PIK3C2A: variants seen among roughly 807,000 people sequenced by gnomAD.
PIK3C2A encodes the protein phosphatidylinositol-4-phosphate 3-kinase catalytic subunit type 2 alpha.
PIK3C2A carries 97 observed loss-of-function variants against 204.5 expected under a neutral mutation model. The ratio of observed to expected loss-of-function variants is 0.47; its 90% CI spans 0.40 to 0.56. PIK3C2A has a LOEUF of 0.56. Among genes scored for constraint, PIK3C2A ranks in the 20% least tolerant of loss-of-function variants. PIK3C2A has a pLI of 0.00. For synonymous variants in PIK3C2A, 653 were observed against 664.4 expected, an observed-to-expected ratio of 0.98 and a Z score of 0.26; for missense variants, 1,735 against 1,969.2, an observed-to-expected ratio of 0.88 and a Z score of 2.25.
At chr11:17,189,872 A>C in intron 1 of PIK3C2A, among the ~76,000 whole-genome samples, 1 of 152,024 alleles carries the variant, frequency 6.6e-6, no homozygotes. Context: ...ATGAGACATA[A>C]AAAGAAGCAA....
intron 22 of PIK3C2A, among the ~76,000 whole-genome samples, chr11:17,110,119 AT>A (rs561917239): frequency 6.6e-6 from 1 of 151,802 alleles, no homozygotes; most frequent in Non-Finnish European, 1.5e-5. Flanking sequence ...CACCTGGCTA[AT>A]TTTTGCATTT....
intron 1 of PIK3C2A, among the ~76,000 whole-genome samples, chr11:17,174,977 T>G (rs1355524751): frequency 6.6e-6 from 1 of 152,210 alleles, no homozygotes; most frequent in Non-Finnish European, 1.5e-5. Flanking sequence ...ATAATTCATC[T>G]TCCACAAGCA....
chr11:17,105,140 T>C (rs777946290), intron 23 of PIK3C2A, 29 bp downstream of exon 23: 13 of 1,585,794 alleles, frequency 8.2e-6, no homozygotes, highest in Non-Finnish European at 1.1e-5. Flanking sequence ...TTGACAAAGC[T>C]TTTTAGAATG....
rs1174741042 is a variant in PIK3C2A at position 17,174,315 on chromosome 11, C to T, written c.-65-4509G>A. On this transcript the variant is annotated intron_variant, in intron 1 of 32. Coordinates refer to ENST00000691414, the MANE Select transcript of PIK3C2A (RefSeq NM_002645.4). ...ATTAAAACAAAACAGCGGCCGGGCG[C>T]GGTGGCTCACGCCTGTAATCCCAGC... is the stretch of plus-strand genomic sequence containing the variant. 9.8e-5 allele frequency among the ~76,000 whole-genome samples: 6 copies of T among 60,974 alleles called. 1 individual carries two copies. In the South Asian group the frequency reaches 2.4e-3, roughly 24 times the overall value. 40.0% of individuals were successfully genotyped at this position (60,974 alleles called of 152,430 possible).
In PIK3C2A at chr11:17,127,311, T is replaced by G. The variant is rs1010922201; in HGVS notation, c.2399+1989A>C. Among the ~76,000 whole-genome samples, 18 of 149,012 alleles carry G rather than the reference T, an allele frequency of 1.2e-4. No individual in the cohort carries two copies. The East Asian group carries it at 1.6e-3, about 13-fold the overall frequency. ...AAAATATTTTTAAAATAAATATGTG[T>G]TTTTTTTTTCTTTTGGAGACAGAGT... On this transcript the variant is annotated intron_variant, in intron 13 of 32. Transcript: ENST00000691414.
intron 8 of PIK3C2A, 47 bp from the exon 9 acceptor site, chr11:17,136,672 G>A (rs1015744414): frequency 9.1e-7 from 1 of 1,099,902 alleles, no homozygotes; most frequent in East Asian, 2.6e-5. Flanking sequence ...GAAATTTAAA[G>A]GACCAATTCC....
chr11:17,118,877 T>C (rs909439405), intron 17 of PIK3C2A, 138 bp from the exon 18 acceptor site: 1 of 547,268 alleles, frequency 1.8e-6, no homozygotes, highest in Admixed American at 3.7e-5. Context: ...ATTAAATAGA[T>C]GAATTAACCT....
chr11:17,196,434 T>C (rs767140316), intron 1 of PIK3C2A, among the ~76,000 whole-genome samples: 23 of 152,170 alleles, frequency 1.5e-4, no homozygotes, highest in Non-Finnish European at 2.6e-4. Context: ...TGACTTGGAC[T>C]AGGATAACAG....
intron 19 of PIK3C2A, chr11:17,115,719 T>C (rs530681503): frequency 1.3e-5 from 2 of 152,236 alleles, no homozygotes; most frequent in South Asian, 4.2e-4. Flanking sequence ...GCTAATCTTC[T>C]CTGTATCATT....
chr11:17,122,653 T>C (rs201413129), intron 14 of PIK3C2A, 49 bp downstream of exon 14: 4 of 855,138 alleles, frequency 4.7e-6, no homozygotes, highest in Non-Finnish European at 7.8e-6. Context: ...ACACATTTTA[T>C]GAAGAAATTT....
chr11:17,129,409 G>C lies in PIK3C2A; in HGVS notation c.2290C>G (p.Leu764Val). ...CTGCTCTGATTTAAAATTCCAAAAAGAGTAAGGTGAAGAACTGATTCTAAT... is the reference window on the plus strand; with the variant it reads ...CTGCTCTGATTTAAAATTCCAAAAACAGTAAGGTGAAGAACTGATTCTAAT... ...LPLESVLHLTLFGILNQSSGS... is the reference protein window; with the variant it reads ...LPLESVLHLTVFGILNQSSGS... Residue 764 changes from leucine (L) to valine (V), a missense_variant, in exon 13 of 33, where the codon CTT becomes GTT. Transcript: ENST00000691414. 1 of 1,611,448 alleles carries C rather than the reference G, an allele frequency of 6.2e-7. No homozygotes were observed. The highest frequency in any genetic ancestry group is 1.3e-5 in the African/African-American group (1 of 74,990).
chr11:17,202,045 CAGG>C (rs745875886), intron 1 of PIK3C2A, among the ~76,000 whole-genome samples: 12 of 151,976 alleles, frequency 7.9e-5, no homozygotes, highest in Non-Finnish European at 1.6e-4. Context: ...CGCCTTAGGT[CAGG>C]AGTTCAAGAC....
intron 21 of PIK3C2A, among the ~76,000 whole-genome samples, chr11:17,112,361 G>A (rs977515141): frequency 6.6e-6 from 1 of 152,088 alleles, no homozygotes; most frequent in Non-Finnish European, 1.5e-5. Context: ...GCTGAGGCAG[G>A]AGAATCACTT....
intron 30 of PIK3C2A, 63 bp downstream of exon 30, chr11:17,091,933 C>G (rs1045544452): frequency 2.0e-6 from 2 of 1,001,712 alleles, no homozygotes; most frequent in Non-Finnish European, 3.2e-6. Context: ...CTACCACATT[C>G]ATCGAGAAGT....
Position 17,092,154 on chromosome 11 carries a change from G to A in PIK3C2A, c.4569+5C>T. On this transcript the variant is annotated splice_donor_5th_base_variant and intron_variant, in intron 29 of 32. Coordinates refer to ENST00000691414, the MANE Select transcript of PIK3C2A (RefSeq NM_002645.4). ...ATGTTATTACTTCTCATTTAGTAAG[G>A]TTACCTCTGCTACATCCGTTGAAGC... The A allele has an allele frequency of 6.5e-7, 1 of 1,537,796 alleles. No homozygotes were observed. The highest frequency in any genetic ancestry group is 1.1e-5 in the South Asian group (1 of 89,456).
At position 17,122,718 on chromosome 11, in the gene PIK3C2A, T is replaced by C. The variant is rs771852282; in HGVS notation, c.2495A>G (p.Glu832Gly). ...TACCATTACCTGTAGCACTATTCTT[T>C]CCATGACATATCCTTTTTTGGTAAC... The part of the protein sequence containing the change: ...GTVTKKGYVM[E>G]RIVLQVDFPS... The change falls in exon 14 of 33, where the codon GAA (glutamate) becomes GGA (glycine). Residue 832 changes from glutamate to glycine, a missense_variant. This residue lies in a region of PIK3C2A where 567 missense variants were observed against 576.0 expected (regional missense o/e 0.98). Transcript: ENST00000691414. The C allele has an allele frequency of 1.4e-6, 2 of 1,440,066 alleles. No homozygotes were observed. The highest frequency in any genetic ancestry group is 1.2e-5 in the South Asian group (1 of 85,498). The allele number at this position is 1,440,066 out of a possible 1,614,324, so 89.2% of individuals were successfully genotyped here. A position where few individuals can be genotyped will look rare whatever the true frequency, so the allele number is the denominator to read the frequency against.
At chr11:17,126,777 T>C (rs890727811) in intron 13 of PIK3C2A, among the ~76,000 whole-genome samples, 21 of 152,246 alleles carry the variant, frequency 1.4e-4, no homozygotes, top group African/African-American at 4.6e-4. Context: ...GAGTGTTGGA[T>C]GCAAACTATT....
intron 2 of PIK3C2A, among the ~76,000 whole-genome samples, chr11:17,158,735 A>G (rs1306934503): frequency 6.6e-6 from 1 of 152,188 alleles, no homozygotes; most frequent in Non-Finnish European, 1.5e-5. Context: ...ACTGTTCTTC[A>G]TGTTTTACTT....
At chr11:17,176,168 T>G (rs1352381719) in intron 1 of PIK3C2A, among the ~76,000 whole-genome samples, 2 of 149,446 alleles carry the variant, frequency 1.3e-5, no homozygotes, top group African/African-American at 5.1e-5. Flanking sequence ...CATGCCCGGC[T>G]CATTTTTGTT....
Sources: gnomAD v4.1 joint callset for allele counts (sites outside exome capture counted in the v4.1 genomes callset) on GRCh38, gnomAD v4.1.1 for gene constraint, gnomAD v4.1.1 regional missense constraint, MANE v1.5 for transcripts, NCBI Gene and HGNC (gene_info 2026-07-23, HGNC 2026-07-21) for gene names.